Variants in EYS observed in about 807,000 individuals in gnomAD.
EYS encodes EGF-like photoreceptor maintenance factor.
EYS carries 250 observed loss-of-function variants against 282.1 expected under a neutral mutation model. The observed-to-expected ratio is 0.89, with a 90% CI of 0.80 to 0.98. The LOEUF (loss-of-function observed/expected upper bound fraction) is 0.98, where lower values mean the gene tolerates loss of function less well. Among genes scored for constraint, EYS ranks in the 50% least tolerant of loss-of-function variants. The probability of loss-of-function intolerance (pLI) is 0.00; values close to 1 mark genes in which losing one functional copy is unlikely to be tolerated. For synonymous variants in EYS, 1,355 were observed against 1,282.9 expected, an observed-to-expected ratio of 1.06 and a Z score of -1.20; for missense variants, 4,016 against 3,709.0, an observed-to-expected ratio of 1.08 and a Z score of -2.15.
intron 1 of EYS, among the ~76,000 whole-genome samples, chr6:65,668,780 T>C (rs1046305063): frequency 1.3e-5 from 2 of 151,930 alleles, no homozygotes; most frequent in African/African-American, 4.8e-5. Flanking sequence ...TTTTCACTAG[T>C]TTCTTAATAA....
intron 24 of EYS, among the ~76,000 whole-genome samples, chr6:64,609,760 G>A (rs1767050423): frequency 6.6e-6 from 1 of 152,000 alleles, no homozygotes; most frequent in African/African-American, 2.4e-5. Context: ...GGGAACACAT[G>A]TCTGTACTTC....
chr6:64,147,141 G>A (rs1044191720), intron 31 of EYS, among the ~76,000 whole-genome samples: 2 of 152,164 alleles, frequency 1.3e-5, no homozygotes, highest in African/African-American at 4.8e-5. Flanking sequence ...GGGAGCAGAT[G>A]AAGCTAACAG....
chr6:65,688,071 GA>G (rs138440308), intron 1 of EYS, among the ~76,000 whole-genome samples: 7 of 151,512 alleles, frequency 4.6e-5, no homozygotes, highest in African/African-American at 7.3e-5. Flanking sequence ...CACAGAATTG[GA>G]AAAAAAATAC....
chr6:65,163,763 T>G (rs1342963988), intron 12 of EYS, among the ~76,000 whole-genome samples: 1 of 151,316 alleles, frequency 6.6e-6, no homozygotes, highest in East Asian at 1.9e-4. Context: ...TTCTGACACA[T>G]GAAAGCTATA....
intron 22 of EYS, among the ~76,000 whole-genome samples, chr6:64,639,103 G>A (rs1768052034): frequency 1.1e-5 from 1 of 89,394 alleles, no homozygotes; most frequent in Non-Finnish European, 2.4e-5. Context: ...ACTTGTGAGA[G>A]ACTGTCTCCT....
At chr6:64,007,178 A>G (rs1476039744) in intron 33 of EYS, among the ~76,000 whole-genome samples, 1 of 152,098 alleles carries the variant, frequency 6.6e-6, no homozygotes, top group Non-Finnish European at 1.5e-5. Context: ...TTTGAAACAC[A>G]TTATTGGTCT....
chr6:65,024,494 G>A (rs1219792730), intron 13 of EYS, among the ~76,000 whole-genome samples: 3 of 152,206 alleles, frequency 2.0e-5, no homozygotes, highest in African/African-American at 7.2e-5. Context: ...TTACAGGGCT[G>A]AGTGTTCTTC....
At chr6:64,214,723 C>T (rs1765879772) in intron 31 of EYS, among the ~76,000 whole-genome samples, 1 of 151,788 alleles carries the variant, frequency 6.6e-6, no homozygotes, top group Non-Finnish European at 1.5e-5. Context: ...GCCCTCTAAA[C>T]CTAATTGTCA....
At chr6:63,827,879 C>T (rs564728076) in intron 36 of EYS, among the ~76,000 whole-genome samples, 100 of 144,600 alleles carry the variant, frequency 6.9e-4, no homozygotes, top group African/African-American at 2.3e-3. Flanking sequence ...AAAGAAATTA[C>T]ATCAAGCACT....
In EYS at chr6:65,100,330, A is replaced by C. The variant is rs1774859746; in HGVS notation, c.2024-42603T>G. On this transcript the variant is annotated intron_variant, in intron 12 of 42. Coordinates refer to ENST00000503581, the MANE Select transcript of EYS (RefSeq NM_001142800.2). ...TACAAGCTTTTTGTTAAGTCTGAAA[A>C]AGAATACCTGACAATTTTAATCAGA... Among the ~76,000 whole-genome samples the C allele has an allele frequency of 2.0e-5, 3 of 150,810 alleles. No individual in the cohort carries two copies. In the Admixed American group the frequency reaches 2.0e-4, roughly 10 times the overall value.
intron 12 of EYS, among the ~76,000 whole-genome samples, chr6:65,080,139 A>C (rs1774188126): frequency 6.6e-6 from 1 of 152,088 alleles, no homozygotes; most frequent in Non-Finnish European, 1.5e-5. Context: ...TGTTCCCTCC[A>C]AGAGAGCTGA....
At chr6:64,151,568 G>C (rs894225885) in intron 31 of EYS, among the ~76,000 whole-genome samples, 1 of 151,140 alleles carries the variant, frequency 6.6e-6, no homozygotes, top group Non-Finnish European at 1.5e-5. Flanking sequence ...CACCATGTTG[G>C]CGAGGATGGT....
chr6:65,250,502 A>G (rs141289077), intron 12 of EYS, among the ~76,000 whole-genome samples: 4 of 152,020 alleles, frequency 2.6e-5, no homozygotes. Context: ...GATTTTGTTC[A>G]CCAAAAATTC....
intron 13 of EYS, among the ~76,000 whole-genome samples, chr6:65,009,657 G>C (rs1408454058): frequency 6.6e-6 from 1 of 152,144 alleles, no homozygotes; most frequent in African/African-American, 2.4e-5. Context: ...GGACACTCTT[G>C]TCCTTTGGTA....
chr6:64,449,061 C>A (rs995746450), intron 26 of EYS, among the ~76,000 whole-genome samples: 3 of 151,896 alleles, frequency 2.0e-5, no homozygotes, highest in Non-Finnish European at 4.4e-5. Flanking sequence ...CTACTCTGAG[C>A]TAAAGAAGGA....
chr6:64,077,744 C>T (rs545775611), intron 32 of EYS, among the ~76,000 whole-genome samples: 11 of 152,064 alleles, frequency 7.2e-5, no homozygotes, highest in African/African-American at 1.9e-4. Context: ...TATCCCATGA[C>T]GAAGCCTCCT....
intron 26 of EYS, among the ~76,000 whole-genome samples, chr6:64,513,300 T>G (rs1328260660): frequency 6.6e-6 from 1 of 151,982 alleles, no homozygotes; most frequent in Non-Finnish European, 1.5e-5. Context: ...GGCAAAAGTG[T>G]CATTGTTAAA....
chr6:65,267,770 C>A (rs771352539), intron 12 of EYS, among the ~76,000 whole-genome samples: 25 of 151,648 alleles, frequency 1.6e-4, no homozygotes, highest in Non-Finnish European at 3.4e-4. Flanking sequence ...AAAATTCAAA[C>A]AAACAAACAA....
chr6:63,872,432 C>T (rs1310843090), intron 35 of EYS, among the ~76,000 whole-genome samples: 1 of 149,924 alleles, frequency 6.7e-6, no homozygotes, highest in Non-Finnish European at 1.5e-5. Flanking sequence ...TGTTTCTCAG[C>T]CCTAGAGGTA....
Sources: allele counts gnomAD v4.1 joint callset (sites outside exome capture counted in the v4.1 genomes callset), GRCh38; gene constraint gnomAD v4.1.1; transcripts MANE v1.5; gene names NCBI Gene and HGNC (gene_info 2026-07-23, HGNC 2026-07-21).